HLCS: variants seen among roughly 807,000 people sequenced by gnomAD.
HLCS encodes holocarboxylase synthetase.
Under a neutral mutation model 75.0 loss-of-function variants are expected in HLCS, and 53 were observed. The observed-to-expected ratio is 0.71, with a 90% CI of 0.57 to 0.89. HLCS has a LOEUF of 0.89. Ranked by LOEUF, HLCS falls within the 40% of genes least tolerant of loss-of-function variation. The pLI is 0.00. For synonymous variants in HLCS, 431 were observed against 428.6 expected (o/e 1.01, Z -0.07); for missense variants, 966 against 1,074.0 (o/e 0.90, Z 1.41).
At chr21:36,802,254 G>A (rs1379494049) in intron 6 of HLCS, among the ~76,000 whole-genome samples, 1 of 152,146 alleles carries the variant, frequency 6.6e-6, no homozygotes, top group African/African-American at 2.4e-5. Flanking sequence ...AGCATAAGGG[G>A]AAAGGGACAG....
chr21:36,946,396 T>C (rs2067396743), intron 2 of HLCS, among the ~76,000 whole-genome samples: 1 of 151,862 alleles, frequency 6.6e-6, no homozygotes, highest in South Asian at 2.1e-4. Context: ...CATGCACCAC[T>C]ATGACGGGCT....
intron 6 of HLCS, among the ~76,000 whole-genome samples, chr21:36,853,468 T>C (rs2063082331): frequency 6.6e-6 from 1 of 152,224 alleles, no homozygotes; most frequent in African/African-American, 2.4e-5. Flanking sequence ...TAACAGTATG[T>C]TTAAAACATG....
intron 2 of HLCS, among the ~76,000 whole-genome samples, chr21:36,944,559 C>A (rs2146568292): frequency 6.6e-6 from 1 of 151,900 alleles, no homozygotes; most frequent in East Asian, 1.9e-4. Flanking sequence ...CTAGTAAGGA[C>A]AATTTCTTTA....
chr21:36,885,799 A>C (rs2064427821), intron 6 of HLCS, among the ~76,000 whole-genome samples: 1 of 152,168 alleles, frequency 6.6e-6, no homozygotes, highest in Non-Finnish European at 1.5e-5. Context: ...GATCTTGCAC[A>C]CAGCTGGTGT....
chr21:36,759,062 G>T lies in HLCS; in HGVS notation c.2236+665C>A, dbSNP rs1282907133. 1.9e-5 allele frequency: 9 copies of T among 470,054 alleles called. No homozygotes were observed. The East Asian group carries it at 4.9e-4, about 25-fold the overall frequency. The allele number at this position is 470,054 out of a possible 1,614,324, so 29.1% of individuals were successfully genotyped here. On this transcript the variant is annotated intron_variant, in intron 9 of 10. Transcript: ENST00000674895. ...AGAATAATATTGCCCCTTGGTGGCAGAGCTGGTAACACAGGCCTTGTATTC... is the reference window on the plus strand; with the variant it reads ...AGAATAATATTGCCCCTTGGTGGCATAGCTGGTAACACAGGCCTTGTATTC...
At chr21:36,883,239 T>TCCA (rs1466699899) in intron 6 of HLCS, among the ~76,000 whole-genome samples, 1 of 152,116 alleles carries the variant, frequency 6.6e-6, no homozygotes, top group African/African-American at 2.4e-5. Context: ...AACTCTCACC[T>TCCA]CCAAAGCAGG....
At chr21:36,785,458 T>G (rs2060658847) in intron 6 of HLCS, among the ~76,000 whole-genome samples, 2 of 151,850 alleles carry the variant, frequency 1.3e-5, no homozygotes, top group Non-Finnish European at 2.9e-5. Context: ...CCCGGCTCTC[T>G]GCCTGTGGGG....
chr21:36,764,113 A>G (rs1277004722), intron 8 of HLCS, among the ~76,000 whole-genome samples: 1 of 152,172 alleles, frequency 6.6e-6, no homozygotes, highest in Non-Finnish European at 1.5e-5. Flanking sequence ...AAAAACAAAC[A>G]TGCAGCTGGG....
intron 6 of HLCS, among the ~76,000 whole-genome samples, chr21:36,769,389 A>T (rs1399465297): frequency 6.6e-6 from 1 of 152,236 alleles, no homozygotes; most frequent in African/African-American, 2.4e-5. Flanking sequence ...AACCTTGTCA[A>T]TTCTGCATTT....
chr21:36,789,361 G>A (rs753106777), intron 6 of HLCS, among the ~76,000 whole-genome samples: 10 of 152,234 alleles, frequency 6.6e-5, no homozygotes, highest in South Asian at 2.1e-4. Flanking sequence ...GTAGAGTGAT[G>A]TGGTGAAAAA....
At chr21:36,850,842 G>A (rs921223806) in intron 6 of HLCS, among the ~76,000 whole-genome samples, 6 of 152,112 alleles carry the variant, frequency 3.9e-5, no homozygotes, top group South Asian at 4.2e-4. Flanking sequence ...AATCTACAGC[G>A]AGGAGCTCCC....
chr21:36,848,507 G>C (rs1165964068), intron 6 of HLCS, among the ~76,000 whole-genome samples: 2 of 151,902 alleles, frequency 1.3e-5, no homozygotes, highest in African/African-American at 4.8e-5. Context: ...GACCTCAAAC[G>C]ATCTGCCTGC....
In HLCS at chr21:36,840,418, T is replaced by C. The variant is rs139555131; in HGVS notation, c.1892+56442A>G. Among the ~76,000 whole-genome samples, 178 of 152,282 alleles carry C rather than the reference T, an allele frequency of 1.2e-3. 1 individual carries two copies. In the East Asian group the frequency reaches 0.023, roughly 20 times the overall value. On this transcript the variant is annotated intron_variant, in intron 6 of 10. Coordinates refer to ENST00000674895, the MANE Select transcript of HLCS (RefSeq NM_001352514.2). ...ATTCAGGTATCTAAAAAAGGATTCATCTGAAGAAATTTTATAGTAATGGTT... is the reference window on the plus strand; with the variant it reads ...ATTCAGGTATCTAAAAAAGGATTCACCTGAAGAAATTTTATAGTAATGGTT...
chr21:36,902,680 T>C (rs2065286676), intron 5 of HLCS, among the ~76,000 whole-genome samples: 1 of 151,958 alleles, frequency 6.6e-6, no homozygotes, highest in Admixed American at 6.6e-5. Context: ...GTGTTGAAGT[T>C]TGGGGAGGGA....
chr21:36,895,575 C>T (rs950436523), intron 6 of HLCS, among the ~76,000 whole-genome samples: 3 of 152,208 alleles, frequency 2.0e-5, no homozygotes, highest in African/African-American at 7.2e-5. Context: ...ACAACTCTGC[C>T]AATGCCTCCT....
upstream of HLCS, among the ~76,000 whole-genome samples, chr21:36,967,025 G>A (rs2068638281): frequency 6.6e-6 from 1 of 151,942 alleles, no homozygotes; most frequent in Admixed American, 6.6e-5. Flanking sequence ...GGATGGGTAT[G>A]TTGTGGATGC....
chr21:36,825,283 G>A (rs2146022152), intron 6 of HLCS, among the ~76,000 whole-genome samples: 1 of 152,204 alleles, frequency 6.6e-6, no homozygotes, highest in South Asian at 2.1e-4. Flanking sequence ...GGCTACTTGA[G>A]CGGCTGAGGC....
chr21:36,958,658 G>A (rs974756558), intron 2 of HLCS, among the ~76,000 whole-genome samples: 22 of 151,516 alleles, frequency 1.5e-4, no homozygotes, highest in Admixed American at 1.0e-3. Context: ...GCGTGGCAGC[G>A]TGCGCCTGTA....
intron 6 of HLCS, among the ~76,000 whole-genome samples, chr21:36,870,302 G>A (rs761626592): frequency 5.3e-5 from 8 of 151,066 alleles, no homozygotes; most frequent in Non-Finnish European, 1.0e-4. Flanking sequence ...ATGAAGGGGT[G>A]GGGGGAGGAA....
Sources: gnomAD v4.1 joint callset for allele counts (sites outside exome capture counted in the v4.1 genomes callset) on GRCh38, gnomAD v4.1.1 for gene constraint, MANE v1.5 for transcripts, NCBI Gene and HGNC (gene_info 2026-07-23, HGNC 2026-07-21) for gene names.